The following HTATIP2 variants were observed in gnomAD, a reference collection of about 807,000 sequenced individuals.
The protein encoded by HTATIP2 is HIV-1 Tat interactive protein 2.
Under a neutral mutation model 24.7 loss-of-function variants are expected in HTATIP2, and 26 were observed. The ratio of observed to expected loss-of-function variants is 1.05; its 90% confidence interval spans 0.77 to 1.46. HTATIP2 has a LOEUF of 1.46. Ranked by LOEUF, HTATIP2 falls within the 40% of genes most tolerant of loss-of-function variation. The pLI is 0.00. For synonymous variants in HTATIP2, 99 were observed against 113.2 expected (o/e 0.87, Z 0.79); for missense variants, 284 against 289.6 (o/e 0.98, Z 0.14).
At chr11:20,380,447 C>A (rs577275091) in intron 3 of HTATIP2, among the ~76,000 whole-genome samples, 1 of 152,040 alleles carries the variant, frequency 6.6e-6, no homozygotes, top group East Asian at 1.9e-4. Context: ...CCGAGGCGGG[C>A]GGATCACGAG....
At chr11:20,374,268 A>G (rs7935763) in intron 2 of HTATIP2, among the ~76,000 whole-genome samples, 9,086 of 152,332 alleles carry the variant, frequency 0.06, 396 homozygotes, top group Admixed American at 0.15. Flanking sequence ...ATACAAAGTT[A>G]AAAAATCTGC....
chr11:20,367,153 T>C lies in HTATIP2; in HGVS notation c.196-21T>C, dbSNP rs758780576. The C allele has an allele frequency of 2.9e-5, 47 of 1,613,040 alleles. 1 individual carries two copies. In the Admixed American group the frequency reaches 7.9e-4, roughly 27 times the overall value. On this transcript the variant is annotated intron_variant, in intron 1 of 4. Transcript: ENST00000451739. ...GTTGTTTAAATAACATGAAACTACA[T>C]ACAACTGTGTCCTTGCCTAGAATCA...
At chr11:20,372,007 G>A (rs1381414466) in intron 2 of HTATIP2, among the ~76,000 whole-genome samples, 1 of 152,138 alleles carries the variant, frequency 6.6e-6, no homozygotes, top group Non-Finnish European at 1.5e-5. Flanking sequence ...TGGATTGAAA[G>A]GGAGTGAAGG....
Position 20,367,661 on chromosome 11 carries a change from T to G in HTATIP2, c.303+380T>G, listed in dbSNP as rs1346122496. 23 of 1,195,554 alleles carry G rather than the reference T, an allele frequency of 1.9e-5. No homozygotes were observed. The Admixed American group carries it at 5.5e-4, about 29-fold the overall frequency. The allele number at this position is 1,195,554 out of a possible 1,614,324, so 74.1% of individuals were successfully genotyped here. ...TAAATGTTTGAAATTTGAAATGTTC[T>G]GTCTCACTTGAGTGATTTGCTTCAA... On this transcript the variant is annotated intron_variant, in intron 2 of 4. Transcript: ENST00000451739.
intron 2 of HTATIP2, among the ~76,000 whole-genome samples, chr11:20,371,730 C>A (rs1437070525): frequency 6.6e-6 from 1 of 152,048 alleles, no homozygotes; most frequent in Non-Finnish European, 1.5e-5. Context: ...GCCATCGCAC[C>A]CGGCCTGAAA....
intron 3 of HTATIP2, among the ~76,000 whole-genome samples, chr11:20,379,092 G>T (rs1848484960): frequency 6.6e-6 from 1 of 152,068 alleles, no homozygotes; most frequent in Non-Finnish European, 1.5e-5. Flanking sequence ...AAAAACACCA[G>T]CTGTTAAGCG....
chr11:20,372,802 C>T (rs768047777), intron 2 of HTATIP2, among the ~76,000 whole-genome samples: 41 of 152,188 alleles, frequency 2.7e-4, no homozygotes, highest in Non-Finnish European at 4.7e-4. Flanking sequence ...ATAAGATTTT[C>T]GAGATCGCTC....
At position 20,382,977 on chromosome 11, in the gene HTATIP2, T is replaced by C; in HGVS notation, c.504-3T>C. ...CTTTCTTTTTTTTTTTTTTTTATTT[T>C]AGAGTTCTGTTATGTGATAGGCAAG... is the stretch of plus-strand genomic sequence containing the variant. On this transcript the variant is annotated splice_region_variant and splice_polypyrimidine_tract_variant and intron_variant, in intron 4 of 4. Transcript: ENST00000451739. The C allele has an allele frequency of 1.3e-6, 2 of 1,590,758 alleles. No individual in the cohort carries two copies. The highest frequency in any genetic ancestry group is 1.7e-6 in the Non-Finnish European group (2 of 1,171,082).
chr11:20,375,244 T>C (rs1848428323), intron 2 of HTATIP2, among the ~76,000 whole-genome samples: 1 of 151,740 alleles, frequency 6.6e-6, no homozygotes, highest in African/African-American at 2.4e-5. Context: ...ACATTTAGAA[T>C]CAGTAACTAC....
intron 3 of HTATIP2, among the ~76,000 whole-genome samples, chr11:20,379,143 T>C (rs1848485658): frequency 6.6e-6 from 1 of 152,196 alleles, no homozygotes; most frequent in Non-Finnish European, 1.5e-5. Flanking sequence ...CCAAGGCCTA[T>C]GCCACTAGCT....
At chr11:20,367,716 G>A in intron 2 of HTATIP2, 1 of 1,044,696 alleles carries the variant, frequency 9.6e-7, no homozygotes, top group Non-Finnish European at 1.2e-6. Flanking sequence ...TTAAACTTCT[G>A]GAATAGAACA....
At position 20,367,079 on chromosome 11, in the gene HTATIP2, A is replaced by C. The variant is rs146550996; in HGVS notation, c.196-95A>C. ...TTGATGTTAAGTGGACAGGCCTGTC[A>C]GTAATGTTCTGTAACTTAGTCTTTA... On this transcript the variant is annotated intron_variant, in intron 1 of 4. Coordinates refer to ENST00000451739, the MANE Select transcript of HTATIP2 (RefSeq NM_001098522.2). 1.4e-3 allele frequency: 1,961 copies of C among 1,406,470 alleles called. 17 individuals are homozygous for C. Among genetic ancestry groups the C allele is most frequent in the South Asian group, 0.011 (792 of 73,172 alleles). 87.1% of individuals were successfully genotyped at this position (1,406,470 alleles called of 1,614,324 possible). A position where few individuals can be genotyped will look rare whatever the true frequency, so the allele number is the denominator to read the frequency against.
At chr11:20,381,772 C>T (rs1848525106) in intron 3 of HTATIP2, among the ~76,000 whole-genome samples, 2 of 152,260 alleles carry the variant, frequency 1.3e-5, no homozygotes, top group African/African-American at 4.8e-5. Context: ...TATAGTGGGT[C>T]TATGGTTTTC....
intron 2 of HTATIP2, among the ~76,000 whole-genome samples, chr11:20,371,266 A>G (rs2064769576): frequency 1.3e-5 from 2 of 152,142 alleles, no homozygotes; most frequent in Non-Finnish European, 1.5e-5. Flanking sequence ...AGCTGGTTCA[A>G]GGGACCCAGA....
rs777439517 is a variant in HTATIP2, at chr11:20,383,392, C to G, written c.*187C>G. 7 of 546,180 alleles carry G rather than the reference C, an allele frequency of 1.3e-5. No individual in the cohort carries two copies. Among genetic ancestry groups the G allele is most frequent in the Admixed American group, 3.5e-5 (1 of 28,818 alleles). The allele number at this position is 546,180 out of a possible 1,614,324, so 33.8% of individuals were successfully genotyped here. The stretch of plus-strand genomic sequence containing the variant: ...AGCCTGGTTATACATATAGATCACT[C>G]AGGGAGCTTTGGAAAAATAAAGATT... On this transcript the variant is annotated 3_prime_UTR_variant, in exon 5 of 5. Coordinates refer to ENST00000451739, the MANE Select transcript of HTATIP2 (RefSeq NM_001098522.2).
rs150457955 is a variant in HTATIP2, at chr11:20,367,704, C to T, written c.303+423C>T. The T allele has an allele frequency of 3.9e-5, 42 of 1,084,036 alleles. No individual in the cohort carries two copies. The African/African-American group carries it at 5.3e-4, about 14-fold the overall frequency. The allele number at this position is 1,084,036 out of a possible 1,614,324, so 67.2% of individuals were successfully genotyped here. A position where few individuals can be genotyped will look rare whatever the true frequency, so the allele number is the denominator to read the frequency against. The stretch of plus-strand genomic sequence containing the variant: ...TGCTTCAACTTATTTTCATGTCAAG[C>T]TTTAAACTTCTGGAATAGAACATCA... On this transcript the variant is annotated intron_variant, in intron 2 of 4. Transcript: ENST00000451739.
At chr11:20,366,837 C>T (rs544139465) in intron 1 of HTATIP2, among the ~76,000 whole-genome samples, 4 of 152,174 alleles carry the variant, frequency 2.6e-5, no homozygotes, top group Non-Finnish European at 4.4e-5. Flanking sequence ...AGATGCCAAA[C>T]GCCATCTCTT....
At chr11:20,368,202 A>G (rs2064733843) in intron 2 of HTATIP2, among the ~76,000 whole-genome samples, 1 of 151,990 alleles carries the variant, frequency 6.6e-6, no homozygotes. Flanking sequence ...AAAAATATAT[A>G]TATATATGAC....
chr11:20,367,443 A>T (rs2064723550), intron 2 of HTATIP2, 162 bp downstream of exon 2: 1 of 1,495,396 alleles, frequency 6.7e-7, no homozygotes, highest in Admixed American at 2.4e-5. Context: ...TATCCTTTTA[A>T]TAGTACTGAT....
Sources: allele counts gnomAD v4.1 joint callset (sites outside exome capture counted in the v4.1 genomes callset), GRCh38; gene constraint gnomAD v4.1.1; transcripts MANE v1.5; gene names NCBI Gene and HGNC (gene_info 2026-07-23, HGNC 2026-07-21).